The following RPTOR variants were observed in gnomAD, a reference collection of about 807,000 sequenced individuals.
RPTOR encodes regulatory associated protein of MTOR complex 1, also known as regulatory-associated protein of mTOR.
Under a neutral mutation model 169.9 loss-of-function variants are expected in RPTOR, and 21 were observed. That is an observed-to-expected ratio of 0.12 (90% CI 0.09 to 0.18). The LOEUF is 0.18. Ranked by LOEUF, RPTOR falls within the 10% of genes least tolerant of loss-of-function variation. RPTOR has a pLI of 1.00. For synonymous variants in RPTOR, 732 were observed against 753.2 expected (o/e 0.97, Z 0.46); for missense variants, 1,133 against 1,855.9 (o/e 0.61, Z 7.16).
rs2067871061 is a variant in RPTOR at position 80,857,786 on chromosome 17, C to T, written c.1399-4C>T. 6.2e-7 allele frequency: 1 copy of T among 1,606,584 alleles called. No individual in the cohort carries two copies. Among genetic ancestry groups the T allele is most frequent in the Non-Finnish European group, 8.5e-7 (1 of 1,178,002 alleles). ...GGTGCGCTGACGCCCTCCCTCGCCCCCAGGCCTTGTCTGTCGGCATCTTCC... is the reference window on the plus strand; with the variant it reads ...GGTGCGCTGACGCCCTCCCTCGCCCTCAGGCCTTGTCTGTCGGCATCTTCC... On this transcript the variant is annotated splice_region_variant and splice_polypyrimidine_tract_variant and intron_variant, in intron 12 of 33. Coordinates refer to ENST00000306801, the MANE Select transcript of RPTOR (RefSeq NM_020761.3).
chr17:80,853,628 A>G (rs2589119), intron 11 of RPTOR, among the ~76,000 whole-genome samples: 137,676 of 152,212 alleles, frequency 0.9, 62,395 homozygotes, highest in African/African-American at 0.95. Flanking sequence ...GTCGATGCAC[A>G]TGCCTTCCAG....
chr17:80,619,564 G>T (rs989709857), intron 1 of RPTOR, among the ~76,000 whole-genome samples: 7 of 152,138 alleles, frequency 4.6e-5, no homozygotes, highest in Non-Finnish European at 4.4e-5. Context: ...AGGTGATCTG[G>T]TCTGCAGGCC....
chr17:80,585,170 TTATTA>T (rs2143384213), intron 1 of RPTOR, among the ~76,000 whole-genome samples: 1 of 212 alleles, frequency 4.7e-3, no homozygotes, highest in East Asian at 0.17. Flanking sequence ...CTTTGGTTTA[TTATTA>T]TTATTATTAT....
At chr17:80,826,566 C>A (rs1384385176) in intron 9 of RPTOR, among the ~76,000 whole-genome samples, 1 of 152,262 alleles carries the variant, frequency 6.6e-6, no homozygotes, top group Non-Finnish European at 1.5e-5. Flanking sequence ...CATGTAGAAT[C>A]ACAGCGGCGA....
In RPTOR at chr17:80,893,138, G is replaced by T. The variant is rs542533302; in HGVS notation, c.2242+269G>T. On this transcript the variant is annotated intron_variant, in intron 19 of 33. Transcript: ENST00000306801. Reference sequence around the variant, plus strand: ...GCAGTTGAGGCGGTGGCTCCTTGGAGGGCTGTGCCCTGCCCCCGTCTCCCA... The same window carrying T: ...GCAGTTGAGGCGGTGGCTCCTTGGATGGCTGTGCCCTGCCCCCGTCTCCCA... Among the ~76,000 whole-genome samples the T allele has an allele frequency of 1.1e-4, 17 of 152,374 alleles. No individual in the cohort carries two copies. In the South Asian group the frequency reaches 3.3e-3, roughly 30 times the overall value.
chr17:80,774,468 G>T (rs2066874087), intron 6 of RPTOR: 2 of 625,610 alleles, frequency 3.2e-6, no homozygotes, highest in African/African-American at 4.0e-5. Context: ...TACTGATGAG[G>T]TACCAGATGC....
At chr17:80,602,769 T>A (rs2065199646) in intron 1 of RPTOR, 2 of 726,492 alleles carry the variant, frequency 2.8e-6, no homozygotes, top group Non-Finnish European at 5.1e-6. Flanking sequence ...CTCCTTCATG[T>A]CAAATTTCCG....
At chr17:80,561,753 T>A (rs569723921) in intron 1 of RPTOR, among the ~76,000 whole-genome samples, 2 of 152,212 alleles carry the variant, frequency 1.3e-5, no homozygotes, top group Non-Finnish European at 2.9e-5. Flanking sequence ...TTTACAAAGA[T>A]CCCTGTGGCT....
chr17:80,595,733 G>A (rs542815213), intron 1 of RPTOR, among the ~76,000 whole-genome samples: 2 of 152,330 alleles, frequency 1.3e-5, no homozygotes, highest in Admixed American at 1.3e-4. Flanking sequence ...TTGGGATTTT[G>A]GGCATGAGCC....
intron 7 of RPTOR, 123 bp from the exon 8 acceptor site, chr17:80,822,078 T>C: frequency 1.2e-6 from 1 of 846,832 alleles, no homozygotes; most frequent in Non-Finnish European, 2.0e-6. Flanking sequence ...AAGCTTCTGC[T>C]CAGAGCCTTC....
At chr17:80,717,946 C>G (rs1207203747) in intron 4 of RPTOR, among the ~76,000 whole-genome samples, 1 of 152,228 alleles carries the variant, frequency 6.6e-6, no homozygotes, top group Non-Finnish European at 1.5e-5. Flanking sequence ...GATTAATCCA[C>G]TACTCGAATA....
chr17:80,962,375 C>T (rs1162696496), intron 31 of RPTOR, 86 bp from the exon 32 acceptor site: 1 of 1,047,324 alleles, frequency 9.5e-7, no homozygotes, highest in Non-Finnish European at 1.5e-6. Context: ...GGTGTGCGAC[C>T]CCACACACCT....
At chr17:80,753,494 A>G (rs898199106) in intron 5 of RPTOR, among the ~76,000 whole-genome samples, 20 of 151,506 alleles carry the variant, frequency 1.3e-4, no homozygotes, top group African/African-American at 4.4e-4. Flanking sequence ...TTAGCCGGGC[A>G]TGGTGGCGTG....
chr17:80,698,909 C>T (rs576792776), intron 3 of RPTOR, among the ~76,000 whole-genome samples: 4 of 152,328 alleles, frequency 2.6e-5, no homozygotes, highest in East Asian at 1.9e-4. Context: ...GGCCAGGAAG[C>T]GCCAGCTTGT....
chr17:80,547,681 A>G (rs1320847045), intron 1 of RPTOR, among the ~76,000 whole-genome samples: 5 of 152,214 alleles, frequency 3.3e-5, no homozygotes, highest in Non-Finnish European at 7.3e-5. Context: ...GTCCTTTGGA[A>G]TCTTGTCATC....
At position 80,922,710 on chromosome 17, in the gene RPTOR, T is replaced by A; in HGVS notation, c.2521-14T>A. The A allele has an allele frequency of 6.4e-7, 1 of 1,573,196 alleles. No individual in the cohort carries two copies. Among genetic ancestry groups the A allele is most frequent in the African/African-American group, 1.4e-5 (1 of 73,854 alleles). On this transcript the variant is annotated splice_polypyrimidine_tract_variant and intron_variant, in intron 21 of 33. Coordinates refer to ENST00000306801, the MANE Select transcript of RPTOR (RefSeq NM_020761.3). Reference sequence around the variant, plus strand: ...TCCCGTCTGACCTTCACACCCCCATTCCTTTGCCCCTAGGCCACCGTGAAC... The same window carrying A: ...TCCCGTCTGACCTTCACACCCCCATACCTTTGCCCCTAGGCCACCGTGAAC...
rs35820812 is a variant in RPTOR, at chr17:80,699,674, G to A, written c.349-8167G>A. On this transcript the variant is annotated intron_variant, in intron 3 of 33. Transcript: ENST00000306801. ...ATGGGGAGCTAGAGGTGCTGTGCAC[G>A]GTGCCCTGGTGCAGTGATGGGGAGC... 9.8e-4 allele frequency among the ~76,000 whole-genome samples: 67 copies of A among 68,638 alleles called. 4 individuals are homozygous for A. The highest frequency in any genetic ancestry group is 3.3e-3 in the African/African-American group (29 of 8,898). 45.0% of individuals were successfully genotyped at this position (68,638 alleles called of 152,430 possible).
chr17:80,889,521 C>T (rs1299205039), intron 17 of RPTOR, among the ~76,000 whole-genome samples: 1 of 152,122 alleles, frequency 6.6e-6, no homozygotes. Context: ...TGCTGGGGAG[C>T]CCTCAGGGGG....
At position 80,700,724 on chromosome 17, in the gene RPTOR, G is replaced by A. The variant is rs796189396; in HGVS notation, c.349-7117G>A. On this transcript the variant is annotated intron_variant, in intron 3 of 33. Coordinates refer to ENST00000306801, the MANE Select transcript of RPTOR (RefSeq NM_020761.3). ...GGTGGTGGTGATGGTGGTGGTGGTG[G>A]TGGTGATGATGGTGGTGGTGGTGGT... 6.3e-4 allele frequency among the ~76,000 whole-genome samples: 13 copies of A among 20,476 alleles called. 1 individual carries two copies. The highest frequency in any genetic ancestry group is 3.2e-3 in the East Asian group (2 of 616). 13.4% of individuals were successfully genotyped at this position (20,476 alleles called of 152,430 possible). A position where few individuals can be genotyped will look rare whatever the true frequency, so the allele number is the denominator to read the frequency against.
Sources: gnomAD v4.1 joint callset for allele counts (sites outside exome capture counted in the v4.1 genomes callset) on GRCh38, gnomAD v4.1.1 for gene constraint, MANE v1.5 for transcripts, NCBI Gene and HGNC (gene_info 2026-07-23, HGNC 2026-07-21) for gene names.